Variants in ANO4 observed in about 807,000 individuals in gnomAD.
ANO4 encodes anoctamin-4.
A neutral mutation model predicts 141.9 loss-of-function variants in ANO4; 69 were observed. The observed-to-expected ratio is 0.49, with a 90% CI of 0.40 to 0.59. The LOEUF is 0.59. Ranked by LOEUF, ANO4 falls within the 20% of genes least tolerant of loss-of-function variation. The pLI is 0.00. For synonymous variants in ANO4, 350 were observed against 394.3 expected (o/e 0.89, Z 1.33); for missense variants, 894 against 1,162.2 (o/e 0.77, Z 3.36).
rs530331745 is a variant in ANO4 at position 100,752,550 on chromosome 12, A to G, written c.358+12445A>G. ...CATAATTTGAACAAGATTGATTTAG[A>G]TAATATAATACCTGAAATCCTTTGG... On this transcript the variant is annotated intron_variant, in intron 3 of 29. Coordinates refer to the ANO4 transcript ENST00000644049. Among the ~76,000 whole-genome samples, 37 of 152,346 alleles carry G rather than the reference A, an allele frequency of 2.4e-4. No individual in the cohort carries two copies. The South Asian group carries it at 7.5e-3, about 31-fold the overall frequency.
At chr12:100,837,259 T>C (rs1390509349) in intron 1 of ANO4, among the ~76,000 whole-genome samples, 1 of 151,530 alleles carries the variant, frequency 6.6e-6, no homozygotes, top group Non-Finnish European at 1.5e-5. Context: ...TTTCATTTAA[T>C]CCTACAACAA....
rs543109359 is a variant in ANO4, at chr12:101,092,208, C to T, written c.1702-2048C>T. Among the ~76,000 whole-genome samples the T allele has an allele frequency of 4.3e-3, 651 of 151,790 alleles. 1 individual carries two copies. Among genetic ancestry groups the T allele is most frequent in the Non-Finnish European group, 6.5e-3 (445 of 67,970 alleles). ...ATCAGATATTTAATTATACTATAAA[C>T]ACATCTCATCTTCCAAAAAAAAAAA... On this transcript the variant is annotated intron_variant, in intron 17 of 27. Transcript: ENST00000392977.
chr12:100,731,984 A>G (rs2031398376), intron 1 of ANO4, among the ~76,000 whole-genome samples: 1 of 152,180 alleles, frequency 6.6e-6, no homozygotes, highest in Non-Finnish European at 1.5e-5. Flanking sequence ...CCATTCCTCT[A>G]CGGAAGGACA....
intron 3 of ANO4, among the ~76,000 whole-genome samples, chr12:100,761,048 T>C (rs1285921955): frequency 1.3e-5 from 2 of 152,196 alleles, no homozygotes; most frequent in Admixed American, 1.3e-4. Flanking sequence ...GGGACTTCCT[T>C]AATGCCTCTA....
rs1005108628 is a variant in ANO4, at chr12:101,086,838, A to G, written c.1701+14A>G. On this transcript the variant is annotated intron_variant, in intron 17 of 27. Coordinates refer to ENST00000392977, the MANE Select transcript of ANO4 (RefSeq NM_001286615.2). The stretch of plus-strand genomic sequence containing the variant: ...TTGCTGAATGTGGTAAGTGAGCTGC[A>G]GTGGCTAGCCAAACGGATCAAAATG... The G allele has an allele frequency of 1.9e-6, 3 of 1,610,396 alleles. No individual in the cohort carries two copies. In the African/African-American group the frequency reaches 4.0e-5, roughly 22 times the overall value.
At chr12:100,836,126 C>T (rs1212867970) in intron 1 of ANO4, among the ~76,000 whole-genome samples, 2 of 152,090 alleles carry the variant, frequency 1.3e-5, no homozygotes, top group African/African-American at 4.8e-5. Flanking sequence ...AGTCAGTAGT[C>T]TTTGCATATA....
intron 13 of ANO4, among the ~76,000 whole-genome samples, chr12:101,047,113 A>C (rs965387072): frequency 6.6e-6 from 1 of 152,144 alleles, no homozygotes; most frequent in Non-Finnish European, 1.5e-5. Context: ...GCTGGGCATG[A>C]TGGCGGGTGC....
At chr12:101,054,913 T>C (rs974837667) in intron 14 of ANO4, among the ~76,000 whole-genome samples, 1 of 152,096 alleles carries the variant, frequency 6.6e-6, no homozygotes, top group African/African-American at 2.4e-5. Flanking sequence ...ATTAAATTAT[T>C]CAATATATAG....
At chr12:101,099,773 T>C in intron 22 of ANO4, 53 bp downstream of exon 22, 1 of 1,409,278 alleles carries the variant, frequency 7.1e-7, no homozygotes, top group Non-Finnish European at 9.4e-7. Context: ...GATCTCCAGG[T>C]ATATTCAACT....
intron 14 of ANO4, among the ~76,000 whole-genome samples, chr12:101,062,480 C>T (rs953209609): frequency 7.9e-5 from 12 of 152,140 alleles, no homozygotes; most frequent in Admixed American, 2.0e-4. Context: ...GAAGCTGCCC[C>T]GACAGCCACT....
intron 3 of ANO4, among the ~76,000 whole-genome samples, chr12:100,758,206 C>T (rs879174705): frequency 5.3e-5 from 8 of 152,196 alleles, no homozygotes; most frequent in Non-Finnish European, 7.3e-5. Flanking sequence ...CACCTGCCCG[C>T]GGTCTTGGCT....
chr12:100,784,468 A>G (rs143712641), intron 3 of ANO4, among the ~76,000 whole-genome samples: 7 of 152,236 alleles, frequency 4.6e-5, no homozygotes, highest in African/African-American at 1.7e-4. Context: ...GTTCTCTTCT[A>G]AGGATATTCA....
chr12:100,853,600 G>A (rs1565938191), intron 1 of ANO4, among the ~76,000 whole-genome samples: 4 of 139,606 alleles, frequency 2.9e-5, no homozygotes, highest in Admixed American at 7.7e-5. Flanking sequence ...ATAACTTTTG[G>A]TATCCAAAAT....
chr12:100,832,647 C>T (rs2036690097), intron 1 of ANO4, among the ~76,000 whole-genome samples: 1 of 152,058 alleles, frequency 6.6e-6, no homozygotes, highest in Non-Finnish European at 1.5e-5. Context: ...TAGTTCTTTT[C>T]TTTGCTGTGC....
intron 3 of ANO4, among the ~76,000 whole-genome samples, chr12:100,931,098 G>T (rs77072872): frequency 0.034 from 5,166 of 152,172 alleles, 240 homozygotes; most frequent in African/African-American, 0.11. Flanking sequence ...AAACCAGGCA[G>T]CCTTTGCCTT....
chr12:101,058,385 C>G (rs2048214926), intron 14 of ANO4, among the ~76,000 whole-genome samples: 1 of 152,146 alleles, frequency 6.6e-6, no homozygotes, highest in South Asian at 2.1e-4. Flanking sequence ...GTAGTGTTTT[C>G]TAATTCTGTG....
At chr12:101,014,296 T>C (rs1242984861) in intron 8 of ANO4, among the ~76,000 whole-genome samples, 2 of 152,170 alleles carry the variant, frequency 1.3e-5, no homozygotes, top group African/African-American at 4.8e-5. Flanking sequence ...TAAAACCCGA[T>C]TGCGCAGCGT....
intron 6 of ANO4, 47 bp from the exon 7 acceptor site, chr12:100,974,798 A>G (rs1216164734): frequency 1.2e-6 from 2 of 1,601,990 alleles, no homozygotes; most frequent in Non-Finnish European, 1.7e-6. Context: ...ACTGTAACTG[A>G]CGATGGGTTT....
intron 26 of ANO4, among the ~76,000 whole-genome samples, chr12:101,124,939 G>A (rs538976288): frequency 6.6e-6 from 1 of 152,270 alleles, no homozygotes; most frequent in South Asian, 2.1e-4. Context: ...GCTTAGTCTT[G>A]TCTTGGCTAT....
Sources: allele counts gnomAD v4.1 joint callset (sites outside exome capture counted in the v4.1 genomes callset), GRCh38; gene constraint gnomAD v4.1.1; transcripts MANE v1.5; gene names NCBI Gene and HGNC (gene_info 2026-07-23, HGNC 2026-07-21).